ST3GAL2: variants seen among roughly 807,000 people sequenced by gnomAD.
The protein encoded by ST3GAL2 is CMP-N-acetylneuraminate-beta-galactosamide-alpha-2,3-sialyltransferase 2.
In ST3GAL2, 16 loss-of-function variants were observed where a neutral mutation model predicts 37.5. The observed-to-expected ratio is 0.43, with a 90% confidence interval of 0.29 to 0.65. The LOEUF is 0.65. ST3GAL2 is among the 30% of genes least tolerant of loss of function. ST3GAL2 has a pLI of 0.17. For synonymous variants in ST3GAL2, 238 were observed against 202.9 expected, an observed-to-expected ratio of 1.17 and a Z score of -1.47; for missense variants, 383 against 487.8, an observed-to-expected ratio of 0.79 and a Z score of 2.02.
chr16:70,438,648 G>A (rs1432973733), intron 1 of ST3GAL2, among the ~76,000 whole-genome samples: 1 of 151,954 alleles, frequency 6.6e-6, no homozygotes, highest in Non-Finnish European at 1.5e-5. Flanking sequence ...GCTCTTCCGA[G>A]GGCTGGGGCT....
chr16:70,422,619 T>C (rs113122502), intron 1 of ST3GAL2, among the ~76,000 whole-genome samples: 2 of 152,004 alleles, frequency 1.3e-5, no homozygotes, highest in African/African-American at 4.8e-5. Flanking sequence ...CTGGTGAGCA[T>C]TGCCCCAAAG....
At chr16:70,414,324 C>T (rs59552467) in intron 1 of ST3GAL2, among the ~76,000 whole-genome samples, 12,287 of 152,284 alleles carry the variant, frequency 0.081, 1,656 homozygotes, top group African/African-American at 0.28. Flanking sequence ...TTCCCACTGC[C>T]ACCTTCATTC....
At chr16:70,425,571 A>C (rs573609186) in intron 1 of ST3GAL2, among the ~76,000 whole-genome samples, 67 of 152,284 alleles carry the variant, frequency 4.4e-4, no homozygotes, top group African/African-American at 1.6e-3. Flanking sequence ...TACCTTGTTA[A>C]AAATTGAACG....
rs543472558 is a variant in ST3GAL2, at chr16:70,420,013, C to G, written c.-1004+18936G>C. Among the ~76,000 whole-genome samples the G allele has an allele frequency of 1.6e-3, 230 of 146,950 alleles. 2 individuals carry two copies. In the South Asian group the frequency reaches 0.023, roughly 14 times the overall value. The stretch of plus-strand genomic sequence containing the variant: ...GGGACACCACAACTGACCATTTGAC[C>G]CCCCCCTTCCCTTTTTTTTTTTTTT... On this transcript the variant is annotated intron_variant, in intron 1 of 6. Coordinates refer to ENST00000342907, the MANE Select transcript of ST3GAL2 (RefSeq NM_006927.4).
chr16:70,428,428 C>T (rs2047766083), intron 1 of ST3GAL2, among the ~76,000 whole-genome samples: 1 of 152,210 alleles, frequency 6.6e-6, no homozygotes, highest in Admixed American at 6.5e-5. Context: ...TGACCTTTGG[C>T]AGCCTTGCAG....
chr16:70,398,167 C>T (rs754727238), intron 2 of ST3GAL2, 25 bp downstream of exon 2: 8 of 1,601,854 alleles, frequency 5.0e-6, no homozygotes, highest in Non-Finnish European at 6.8e-6. Context: ...GGGACAGATC[C>T]CTGGAAGGGA....
intron 3 of ST3GAL2, 119 bp from the exon 4 acceptor site, chr16:70,388,665 AATTC>A: frequency 9.0e-7 from 1 of 1,113,596 alleles, no homozygotes; most frequent in Non-Finnish European, 1.3e-6. Context: ...CCAACCTAGC[AATTC>A]CATTGCTAGA....
intron 1 of ST3GAL2, among the ~76,000 whole-genome samples, chr16:70,415,689 T>C (rs986082333): frequency 1.3e-5 from 2 of 151,496 alleles, no homozygotes; most frequent in Non-Finnish European, 2.9e-5. Flanking sequence ...TGACTTCAAG[T>C]GATCTACCCA....
chr16:70,425,378 C>T (rs536693798), intron 1 of ST3GAL2, among the ~76,000 whole-genome samples: 1 of 152,246 alleles, frequency 6.6e-6, no homozygotes, highest in South Asian at 2.1e-4. Context: ...AGGAGAATTG[C>T]TTGAACCCAG....
In ST3GAL2 at chr16:70,398,355, C is replaced by T. The variant is rs777304056; in HGVS notation, c.176G>A (p.Arg59His). ...KLVPGYAGLQ[R>H]LSKERLSGKS... ...GCCCGAGAGCCTCTCCTTGCTGAGG[C>T]GCTGCAGGCCGGCATAGCCGGGCAC... Residue 59 changes from arginine (R) to histidine (H), a missense_variant, in exon 2 of 7, where the codon CGC becomes CAC. Arg to His is a conservative substitution (Grantham distance 29, BLOSUM62 0). Transcript: ENST00000342907. The T allele has an allele frequency of 1.8e-5, 29 of 1,613,464 alleles. No individual in the cohort carries two copies. The highest frequency in any genetic ancestry group is 1.4e-4 in the South Asian group (13 of 91,086).
intron 1 of ST3GAL2, among the ~76,000 whole-genome samples, chr16:70,422,192 T>C (rs991816412): frequency 6.6e-6 from 1 of 152,210 alleles, no homozygotes; most frequent in Non-Finnish European, 1.5e-5. Flanking sequence ...CTGCAGGTCC[T>C]CCATTTGTAA....
In ST3GAL2 at chr16:70,377,520, AAGGGGTT is replaced by A; in HGVS notation, c.*4162_*4168del. On this transcript the variant is annotated 3_prime_UTR_variant, in exon 7 of 7. Coordinates refer to ENST00000342907, the MANE Select transcript of ST3GAL2 (RefSeq NM_006927.4). The stretch of plus-strand genomic sequence containing the variant: ...AAAGAGAAAAGCCTCCATCGTGACA[AAGGGGTT>A]AAATAAGCAACCAGAGGCCGGGCAC... 1 of 151,204 alleles carries A rather than the reference AAGGGGTT, an allele frequency of 6.6e-6. No homozygotes were observed. Among genetic ancestry groups the A allele is most frequent in the African/African-American group, 2.4e-5 (1 of 41,092 alleles). 9.4% of individuals were successfully genotyped at this position (151,204 alleles called of 1,614,324 possible).
At chr16:70,432,158 T>A (rs777983367) in intron 1 of ST3GAL2, among the ~76,000 whole-genome samples, 2 of 152,018 alleles carry the variant, frequency 1.3e-5, no homozygotes, top group African/African-American at 4.8e-5. Flanking sequence ...TTTAGCATGA[T>A]TGGTAAAATT....
At chr16:70,390,960 G>A (rs1406059141) in intron 3 of ST3GAL2, among the ~76,000 whole-genome samples, 1 of 152,148 alleles carries the variant, frequency 6.6e-6, no homozygotes, top group African/African-American at 2.4e-5. Context: ...CCGTAACCTG[G>A]CCCTCCACTA....
intron 1 of ST3GAL2, among the ~76,000 whole-genome samples, chr16:70,414,531 A>T (rs1482693479): frequency 3.3e-5 from 5 of 152,010 alleles, no homozygotes; most frequent in Admixed American, 6.6e-5. Flanking sequence ...GGCCCATCTG[A>T]CTCTCTTCAA....
chr16:70,431,400 T>C (rs1484467574), intron 1 of ST3GAL2, among the ~76,000 whole-genome samples: 1 of 152,218 alleles, frequency 6.6e-6, no homozygotes, highest in East Asian at 1.9e-4. Context: ...GAGCAGGTCC[T>C]TGGGTCATGC....
At chr16:70,431,985 A>ATATATATATATAT (rs1454729972) in intron 1 of ST3GAL2, among the ~76,000 whole-genome samples, 11 of 139,014 alleles carry the variant, frequency 7.9e-5, no homozygotes, top group African/African-American at 3.5e-4. Flanking sequence ...ATATATATAT[A>ATATATATATATAT]TTTTTTTTTA....
At chr16:70,409,325 T>G (rs1389175107) in intron 1 of ST3GAL2, among the ~76,000 whole-genome samples, 1 of 151,688 alleles carries the variant, frequency 6.6e-6, no homozygotes, top group East Asian at 1.9e-4. Flanking sequence ...CTCCACATTC[T>G]AGCTAGCTTC....
intron 1 of ST3GAL2, among the ~76,000 whole-genome samples, chr16:70,429,181 G>C (rs561349142): frequency 3.3e-5 from 5 of 152,212 alleles, no homozygotes; most frequent in Admixed American, 2.6e-4. Context: ...TTAGGAGAAA[G>C]TTCAAGCCAA....
Sources: allele counts gnomAD v4.1 joint callset (sites outside exome capture counted in the v4.1 genomes callset), GRCh38; gene constraint gnomAD v4.1.1; transcripts MANE v1.5; gene names NCBI Gene and HGNC (gene_info 2026-07-23, HGNC 2026-07-21).